The following PKD2L2 variants were observed in gnomAD, a reference collection of about 807,000 sequenced individuals.
The protein encoded by PKD2L2 is polycystin-2-like protein 2.
A neutral mutation model predicts 83.9 loss-of-function variants in PKD2L2; 67 were observed. That is an observed-to-expected ratio of 0.80 (90% confidence interval 0.66 to 0.98). The LOEUF (loss-of-function observed/expected upper bound fraction) is 0.98, where lower values mean the gene tolerates loss of function less well. Among genes scored for constraint, PKD2L2 ranks in the 50% least tolerant of loss-of-function variants. The pLI is 0.00. For synonymous variants in PKD2L2, 223 were observed against 237.8 expected, an observed-to-expected ratio of 0.94 and a Z score of 0.57; for missense variants, 632 against 717.2, an observed-to-expected ratio of 0.88 and a Z score of 1.36.
At chr5:137,908,091 G>C (rs1164522596) in intron 7 of PKD2L2, among the ~76,000 whole-genome samples, 179 bp downstream of exon 7, 1 of 152,170 alleles carries the variant, frequency 6.6e-6, no homozygotes, top group East Asian at 1.9e-4. Context: ...AAGGCAGGTA[G>C]ATTCTTGGCC....
At chr5:137,892,846 G>GTA (rs1756111640) in intron 3 of PKD2L2, among the ~76,000 whole-genome samples, 1 of 152,124 alleles carries the variant, frequency 6.6e-6, no homozygotes, top group Non-Finnish European at 1.5e-5. Flanking sequence ...GGTGGCTCAT[G>GTA]CCTGTAATCC....
chr5:137,928,554 C>T (rs957079098), intron 12 of PKD2L2, among the ~76,000 whole-genome samples: 2 of 152,206 alleles, frequency 1.3e-5, no homozygotes, highest in Non-Finnish European at 2.9e-5. Context: ...ACCTCAGCTT[C>T]CCAAGTAGCT....
At chr5:137,927,911 T>A (rs544163280) in intron 12 of PKD2L2, among the ~76,000 whole-genome samples, 1 of 152,164 alleles carries the variant, frequency 6.6e-6, no homozygotes, top group African/African-American at 2.4e-5. Flanking sequence ...ACGCCTGTAA[T>A]CCCAGCACTT....
chr5:137,916,024 A>AT (rs553912344), intron 8 of PKD2L2, among the ~76,000 whole-genome samples: 2,750 of 54,244 alleles, frequency 0.051, 35 homozygotes, highest in Non-Finnish European at 0.077. Context: ...GTATACACAC[A>AT]TTTTTTTTTT....
chr5:137,924,902 T>C, intron 10 of PKD2L2, 138 bp from the exon 11 acceptor site: 2 of 625,132 alleles, frequency 3.2e-6, no homozygotes. Flanking sequence ...AGAAGGATAA[T>C]CATAGCATTT....
intron 5 of PKD2L2, among the ~76,000 whole-genome samples, chr5:137,905,819 A>G (rs1225166081): frequency 6.6e-6 from 1 of 152,194 alleles, no homozygotes; most frequent in Non-Finnish European, 1.5e-5. Flanking sequence ...ATTGGGGAAG[A>G]GTTTTAACTA....
In PKD2L2 at chr5:137,921,706, G is replaced by A. The variant is rs754824826; in HGVS notation, c.1399G>A (p.Gly467Arg). The change falls in exon 9 of 15, where the codon GGA becomes AGA. Residue 467 changes from glycine (G) to arginine (R), a missense_variant. Physicochemically the swap from Gly to Arg is moderately radical, Grantham distance 125. Coordinates refer to ENST00000508883, the MANE Select transcript of PKD2L2 (RefSeq NM_001300921.2). The stretch of plus-strand genomic sequence containing the variant: ...TATTCAGCAAGCCAATCCTATCTTG[G>A]GACCCATTTACTTCATCACTTTCAT... ...AGIQQANPIL[G>R]PIYFITFIFF... is the part of the protein sequence containing the mutation. The A allele has an allele frequency of 6.2e-7, 1 of 1,609,016 alleles. No homozygotes were observed. Among genetic ancestry groups the A allele is most frequent in the East Asian group, 2.2e-5 (1 of 44,730 alleles).
intron 14 of PKD2L2, 29 bp downstream of exon 14, chr5:137,936,456 ATTTC>A: frequency 8.0e-6 from 12 of 1,492,396 alleles, no homozygotes; most frequent in Non-Finnish European, 1.1e-5. Context: ...ATCATTGAGC[ATTTC>A]TTTTTTTTTT....
intron 5 of PKD2L2, among the ~76,000 whole-genome samples, chr5:137,903,250 G>GAA (rs1757106007): frequency 4.6e-5 from 7 of 152,168 alleles, no homozygotes; most frequent in Non-Finnish European, 7.3e-5. Flanking sequence ...CAAAGAGCAA[G>GAA]TTCTAATGTA....
At chr5:137,901,900 C>T (rs1756989709) in intron 5 of PKD2L2, among the ~76,000 whole-genome samples, 2 of 151,790 alleles carry the variant, frequency 1.3e-5, no homozygotes, top group East Asian at 1.9e-4. Flanking sequence ...AAACCTGAAA[C>T]AACAAATACC....
At chr5:137,914,072 A>T (rs1447674140) in intron 8 of PKD2L2, among the ~76,000 whole-genome samples, 30 of 57,546 alleles carry the variant, frequency 5.2e-4, no homozygotes, top group South Asian at 1.2e-3. Flanking sequence ...TTTTTTTTTG[A>T]TAGAGACAAG....
chr5:137,923,086 G>C (rs1258037816), intron 9 of PKD2L2, among the ~76,000 whole-genome samples: 12 of 150,922 alleles, frequency 8.0e-5, no homozygotes, highest in African/African-American at 2.2e-4. Context: ...ATCTCACTCG[G>C]CTCACTGCAA....
intron 5 of PKD2L2, among the ~76,000 whole-genome samples, chr5:137,904,345 T>A (rs945785643): frequency 3.9e-5 from 6 of 152,156 alleles, no homozygotes; most frequent in African/African-American, 1.4e-4. Flanking sequence ...GGCGAAAGAC[T>A]GAATTCAATT....
chr5:137,930,371 C>T (rs907627998), intron 12 of PKD2L2, among the ~76,000 whole-genome samples: 3 of 151,978 alleles, frequency 2.0e-5, no homozygotes, highest in South Asian at 2.1e-4. Context: ...TTAAATGACT[C>T]GAGTCAAAGA....
chr5:137,917,274 C>CCTGT (rs1250097204), intron 8 of PKD2L2, among the ~76,000 whole-genome samples: 2 of 150,480 alleles, frequency 1.3e-5, no homozygotes, highest in Admixed American at 6.7e-5. Flanking sequence ...AAGCAATTCT[C>CCTGT]CTGTCTCAGT....
chr5:137,928,364 C>A (rs1487274708), intron 12 of PKD2L2, among the ~76,000 whole-genome samples: 1 of 126,630 alleles, frequency 7.9e-6, no homozygotes, highest in Non-Finnish European at 1.6e-5. Flanking sequence ...ATGGTGAAAC[C>A]CTGTCTCTAC....
intron 2 of PKD2L2, 69 bp downstream of exon 2, chr5:137,890,651 AACAT>A (rs1363847361): frequency 3.0e-6 from 2 of 673,658 alleles, no homozygotes; most frequent in Non-Finnish European, 4.9e-6. Context: ...TGAAAAATAA[AACAT>A]ACAAACTTCA....
intron 12 of PKD2L2, among the ~76,000 whole-genome samples, chr5:137,933,955 A>G (rs1760092667): frequency 1.3e-5 from 2 of 151,918 alleles, no homozygotes; most frequent in African/African-American, 4.8e-5. Flanking sequence ...CCTTGGTGGA[A>G]GCATGCAATC....
intron 12 of PKD2L2, among the ~76,000 whole-genome samples, chr5:137,934,583 C>T (rs970674416): frequency 3.9e-5 from 6 of 152,038 alleles, no homozygotes; most frequent in African/African-American, 9.7e-5. Context: ...CCGACGCAGG[C>T]GGATTACTTG....
Sources: allele counts gnomAD v4.1 joint callset (sites outside exome capture counted in the v4.1 genomes callset), GRCh38; gene constraint gnomAD v4.1.1; transcripts MANE v1.5; gene names NCBI Gene and HGNC (gene_info 2026-07-23, HGNC 2026-07-21).